The following NRG1 variants were observed in gnomAD, a reference collection of about 807,000 sequenced individuals.
NRG1 encodes the protein neuregulin 1.
In NRG1, 18 loss-of-function variants were observed where a neutral mutation model predicts 63.8. The observed-to-expected ratio is 0.28, with a 90% confidence interval of 0.19 to 0.42. The LOEUF is 0.42. Ranked by LOEUF, NRG1 falls within the 10% of genes least tolerant of loss-of-function variation. The pLI is 1.00. For missense variants in NRG1, 762 were observed against 814.7 expected, an observed-to-expected ratio of 0.94 and a Z score of 0.79; for synonymous variants, 302 against 301.3, an observed-to-expected ratio of 1.00 and a Z score of -0.02.
intron 1 of NRG1, among the ~76,000 whole-genome samples, chr8:32,170,728 A>T (rs1012058231): frequency 6.6e-6 from 1 of 152,258 alleles, no homozygotes; most frequent in Non-Finnish European, 1.5e-5. Flanking sequence ...GGTTTCATTA[A>T]GATGGAAATG....
Position 32,178,189 on chromosome 8 carries a change from A to C in NRG1, c.38-417639A>C, listed in dbSNP as rs148774779. 4.6e-5 allele frequency among the ~76,000 whole-genome samples: 7 copies of C among 152,256 alleles called. No individual in the cohort carries two copies. In the East Asian group the frequency reaches 1.4e-3, roughly 29 times the overall value. On this transcript the variant is annotated intron_variant, in intron 1 of 10. Transcript: ENST00000519301. The stretch of plus-strand genomic sequence containing the variant: ...GTGGAATGGTTACTTAGATTGAGAG[A>C]AGGACTAATGAGAAATGAAACTAGA...
At chr8:32,065,265 C>G (rs1367400245) in intron 1 of NRG1, among the ~76,000 whole-genome samples, 4 of 151,970 alleles carry the variant, frequency 2.6e-5, no homozygotes, top group African/African-American at 9.7e-5. Flanking sequence ...AGGTTTGTTA[C>G]ATATGTATAC....
chr8:32,661,656 C>T (rs1337053046), intron 5 of NRG1, among the ~76,000 whole-genome samples: 3 of 150,274 alleles, frequency 2.0e-5, no homozygotes, highest in African/African-American at 4.9e-5. Flanking sequence ...CATGCTGCTT[C>T]TTATAAATTA....
At chr8:32,028,225 G>A (rs1027741719) in intron 1 of NRG1, among the ~76,000 whole-genome samples, 14 of 151,830 alleles carry the variant, frequency 9.2e-5, no homozygotes, top group African/African-American at 2.4e-4. Context: ...CCGTTTTTTT[G>A]GCCTCACTAT....
chr8:31,895,318 A>G (rs2129614487), intron 1 of NRG1, among the ~76,000 whole-genome samples: 1 of 152,376 alleles, frequency 6.6e-6, no homozygotes, highest in South Asian at 2.1e-4. Context: ...AATGTCTGCA[A>G]TTACTCCTTC....
At chr8:32,498,819 A>G (rs146816965) in intron 1 of NRG1, among the ~76,000 whole-genome samples, 165 of 152,306 alleles carry the variant, frequency 1.1e-3, no homozygotes, top group African/African-American at 3.8e-3. Context: ...TATCTCAAAG[A>G]GAAATTTTGC....
intron 1 of NRG1, among the ~76,000 whole-genome samples, chr8:32,088,370 G>GTC (rs1251245840): frequency 6.6e-6 from 1 of 152,174 alleles, no homozygotes; most frequent in Non-Finnish European, 1.5e-5. Flanking sequence ...GATTATATGG[G>GTC]TAAACATTGT....
At chr8:32,599,095 G>A (rs544863467) in intron 2 of NRG1, among the ~76,000 whole-genome samples, 9 of 152,148 alleles carry the variant, frequency 5.9e-5, no homozygotes, top group African/African-American at 1.9e-4. Flanking sequence ...TTAGAAGTCA[G>A]AACATAGGGC....
intron 1 of NRG1, among the ~76,000 whole-genome samples, chr8:31,845,605 C>A (rs562838093): frequency 6.6e-6 from 1 of 151,982 alleles, no homozygotes; most frequent in Non-Finnish European, 1.5e-5. Flanking sequence ...AGGAGACTGG[C>A]GTTTTTTTTT....
intron 1 of NRG1, among the ~76,000 whole-genome samples, chr8:32,573,168 A>C (rs1326337296): frequency 6.6e-6 from 1 of 152,188 alleles, no homozygotes; most frequent in Non-Finnish European, 1.5e-5. Flanking sequence ...CAGACCCTGC[A>C]TGGATTATTC....
At chr8:32,605,575 C>A (rs146885321) in exon 3 of NRG1, 1 of 1,613,072 alleles carries the variant, frequency 6.2e-7, no homozygotes, top group African/African-American at 1.3e-5. Flanking sequence ...GTCAGAACTT[C>A]GCATTAACAA....
At position 32,060,089 on chromosome 8, in the gene NRG1, T is replaced by C. The variant is rs1042437726; in HGVS notation, c.37+420658T>C. On this transcript the variant is annotated intron_variant, in intron 1 of 10. Coordinates refer to the NRG1 transcript ENST00000519301. ...ACCTTCTGTTTTTATTTTTTGGTTATAATAGTTTCTCCAATTTGTGTAAGT... is the reference window on the plus strand; with the variant it reads ...ACCTTCTGTTTTTATTTTTTGGTTACAATAGTTTCTCCAATTTGTGTAAGT... Among the ~76,000 whole-genome samples the C allele has an allele frequency of 5.9e-5, 9 of 152,126 alleles. No individual in the cohort carries two copies. In the East Asian group the frequency reaches 1.7e-3, roughly 29 times the overall value.
chr8:32,010,671 T>A (rs1814607037), intron 1 of NRG1, among the ~76,000 whole-genome samples: 1 of 152,116 alleles, frequency 6.6e-6, no homozygotes, highest in South Asian at 2.1e-4. Flanking sequence ...TCATTTTAAT[T>A]ATTTGGCTCT....
chr8:32,083,348 G>A (rs1236038350), intron 1 of NRG1, among the ~76,000 whole-genome samples: 2 of 152,192 alleles, frequency 1.3e-5, no homozygotes, highest in Non-Finnish European at 2.9e-5. Context: ...GGTTGGCCTT[G>A]CAACTCTACT....
At position 32,404,694 on chromosome 8, in the gene NRG1, C is replaced by T. The variant is rs578088012; in HGVS notation, c.38-191134C>T. 6.6e-5 allele frequency among the ~76,000 whole-genome samples: 10 copies of T among 150,894 alleles called. No individual in the cohort carries two copies. The South Asian group carries it at 1.3e-3, about 19-fold the overall frequency. On this transcript the variant is annotated intron_variant, in intron 1 of 10. Coordinates refer to the NRG1 transcript ENST00000519301. ...CCACCTCCTGAGTTCAAGCAATTCT[C>T]CTGCCTCAGCCTCCCTAGTAACTGG...
intron 1 of NRG1, among the ~76,000 whole-genome samples, chr8:31,714,431 A>G (rs1026707816): frequency 9.3e-4 from 142 of 152,174 alleles, no homozygotes; most frequent in Non-Finnish European, 1.7e-3. Context: ...TGGATAAAGC[A>G]CATTTACTTT....
intron 1 of NRG1, among the ~76,000 whole-genome samples, chr8:31,817,774 G>A (rs1012648008): frequency 6.6e-6 from 1 of 152,198 alleles, no homozygotes; most frequent in African/African-American, 2.4e-5. Context: ...ATATGGAAAT[G>A]TGACATGTTT....
chr8:32,460,438 C>A (rs1822168038), intron 1 of NRG1, among the ~76,000 whole-genome samples: 1 of 152,192 alleles, frequency 6.6e-6, no homozygotes, highest in African/African-American at 2.4e-5. Flanking sequence ...CTCTTAAGTA[C>A]CTGTCAGAGT....
chr8:31,674,927 G>A (rs560520081), intron 1 of NRG1, among the ~76,000 whole-genome samples: 1 of 152,250 alleles, frequency 6.6e-6, no homozygotes, highest in East Asian at 1.9e-4. Context: ...CCATTTTCAG[G>A]CCCTTGGATG....
Sources: allele counts gnomAD v4.1 joint callset (sites outside exome capture counted in the v4.1 genomes callset), GRCh38; gene constraint gnomAD v4.1.1; transcripts MANE v1.5; gene names NCBI Gene and HGNC (gene_info 2026-07-23, HGNC 2026-07-21).